Variants in MVK observed in about 807,000 individuals in gnomAD.
The protein encoded by MVK is LH receptor mRNA-binding protein.
Under a neutral mutation model 43.2 loss-of-function variants are expected in MVK, and 34 were observed. The ratio of observed to expected loss-of-function variants is 0.79; its 90% CI spans 0.60 to 1.05. The LOEUF is 1.05. MVK is among the 50% of genes least tolerant of loss of function. The pLI, the probability that MVK is intolerant of heterozygous loss-of-function variation, is 0.00. For synonymous variants in MVK, 190 were observed against 219.8 expected, an observed-to-expected ratio of 0.86 and a Z score of 1.20; for missense variants, 395 against 504.0, an observed-to-expected ratio of 0.78 and a Z score of 2.07.
intron 7 of MVK, 126 bp downstream of exon 7, chr12:109,586,925 C>A: frequency 8.8e-7 from 1 of 1,132,078 alleles, no homozygotes; most frequent in Non-Finnish European, 1.3e-6. Context: ...CCCAATGTGG[C>A]CCTCACAGTG....
chr12:109,573,312 A>C (rs772383588), upstream of MVK: 1 of 1,611,910 alleles, frequency 6.2e-7, no homozygotes, highest in South Asian at 1.1e-5. Context: ...GATTCACGGC[A>C]GGTGTTCGAG....
At chr12:109,586,617 A>C (rs1885443326) in intron 6 of MVK, 137 bp from the exon 7 acceptor site, 1 of 934,156 alleles carries the variant, frequency 1.1e-6, no homozygotes, top group African/African-American at 1.6e-5. Flanking sequence ...TTTGTAACTG[A>C]AGCTGGGCTG....
chr12:109,594,916 G>T, intron 9 of MVK, 112 bp from the exon 10 acceptor site: 1 of 1,371,164 alleles, frequency 7.3e-7, no homozygotes. Flanking sequence ...AGGCAAAGCC[G>T]TTGGCTGTCT....
In MVK at chr12:109,595,108, CA is replaced by C; in HGVS notation, c.967del (p.Arg323GlyfsTer9). 1 of 1,614,178 alleles carries C rather than the reference CA, an allele frequency of 6.2e-7. No homozygotes were observed. ...CTCTGGACCAGCTCTGCCAGGTGAC[CA>C]GGGCCCGCGGACTTCACAGCAAGCT... The part of the protein sequence containing the change: ...ASLDQLCQVT[R>X]ARGLHSKLTG... On this transcript the variant is annotated frameshift_variant, in exon 10 of 11. Coordinates refer to ENST00000228510, the MANE Select transcript of MVK (RefSeq NM_000431.4). LOFTEE classifies it high-confidence loss of function. The surrounding 1 kb of genome is among the most constrained non-coding windows in gnomAD (Gnocchi z 5.9).
At position 109,576,026 on chromosome 12, in the gene MVK, G is replaced by A; in HGVS notation, c.107G>A (p.Arg36Lys). ...KVALAVSLNL[R>K]TFLRLQPHSN... Reference sequence around the variant, plus strand: ...GCACTGGCTGTATCCTTGAACTTGAGAACATTCCTCCGGCTTCAACCCCAC... The same window carrying A: ...GCACTGGCTGTATCCTTGAACTTGAAAACATTCCTCCGGCTTCAACCCCAC... Residue 36 changes from arginine (R) to lysine (K), a missense_variant, in exon 3 of 11, where the codon AGA becomes AAA. By Grantham distance (26) the Arg-to-Lys change is conservative. Coordinates refer to ENST00000228510, the MANE Select transcript of MVK (RefSeq NM_000431.4). 1 of 1,614,208 alleles carries A rather than the reference G, an allele frequency of 6.2e-7. No individual in the cohort carries two copies. Among genetic ancestry groups the A allele is most frequent in the Non-Finnish European group, 8.5e-7 (1 of 1,180,040 alleles).
chr12:109,581,359 CG>C (rs748612128), intron 4 of MVK, 35 bp from the exon 5 acceptor site: 28 of 1,612,090 alleles, frequency 1.7e-5, no homozygotes, highest in Non-Finnish European at 2.3e-5. Context: ...CACTGCCCTG[CG>C]GGAGAGTCAC....
chr12:109,584,475 C>G (rs570286235), intron 5 of MVK, among the ~76,000 whole-genome samples: 1 of 152,258 alleles, frequency 6.6e-6, no homozygotes, highest in African/African-American at 2.4e-5. Flanking sequence ...TTTTCCATCT[C>G]AATATCCTCA....
At chr12:109,577,712 A>G (rs1271787357) in intron 3 of MVK, among the ~76,000 whole-genome samples, 1 of 152,138 alleles carries the variant, frequency 6.6e-6, no homozygotes, top group Non-Finnish European at 1.5e-5. Flanking sequence ...TTTTTAACCA[A>G]TACAGATGGA....
intron 3 of MVK, among the ~76,000 whole-genome samples, chr12:109,577,272 C>T (rs1885000934): frequency 6.6e-6 from 1 of 152,202 alleles, no homozygotes; most frequent in Admixed American, 6.5e-5. Flanking sequence ...TGTGTTTTCT[C>T]TGTTGTCAGT....
intron 9 of MVK, among the ~76,000 whole-genome samples, chr12:109,593,876 C>A (rs1306638102): frequency 2.0e-5 from 3 of 151,792 alleles, no homozygotes; most frequent in Admixed American, 6.6e-5. Context: ...CGCCAACATA[C>A]GTGGCTGATT....
At chr12:109,573,576 C>T (rs1446495859), upstream of MVK, 1 of 1,429,992 alleles carries the variant, frequency 7.0e-7, no homozygotes, top group South Asian at 1.2e-5. Flanking sequence ...GCTCAGGTTT[C>T]AATTTTTATT....
In MVK at chr12:109,596,860, A is replaced by G. The variant is rs1226943607; in HGVS notation, c.*283A>G. 1.9e-6 allele frequency: 1 copy of G among 526,508 alleles called. No homozygotes were observed. Among genetic ancestry groups the G allele is most frequent in the Non-Finnish European group, 3.4e-6 (1 of 290,656 alleles). The allele number at this position is 526,508 out of a possible 1,614,324, so 32.6% of individuals were successfully genotyped here. A position where few individuals can be genotyped will look rare whatever the true frequency, so the allele number is the denominator to read the frequency against. On this transcript the variant is annotated 3_prime_UTR_variant, in exon 11 of 11. Transcript: ENST00000228510. ...GAAGGGCTGCTTCCCTGAAGCTCCC[A>G]CAGTCCCATCTGCTTCAGGCCCCCG... is the stretch of plus-strand genomic sequence containing the variant.
intron 10 of MVK, among the ~76,000 whole-genome samples, 179 bp from the exon 11 acceptor site, chr12:109,596,247 G>C (rs1203791540): frequency 1.3e-5 from 2 of 152,372 alleles, no homozygotes; most frequent in Non-Finnish European, 1.5e-5. Flanking sequence ...GGGGTGCAAG[G>C]CTGGGCATTC....
chr12:109,582,312 G>T (rs1244762002), intron 5 of MVK, among the ~76,000 whole-genome samples: 1 of 47,934 alleles, frequency 2.1e-5, no homozygotes, highest in Non-Finnish European at 4.4e-5. Context: ...TCTGAGCTTG[G>T]TTTTTTTGTT....
intron 5 of MVK, among the ~76,000 whole-genome samples, chr12:109,585,606 A>G (rs1350063075): frequency 1.3e-5 from 2 of 152,006 alleles, no homozygotes; most frequent in Admixed American, 1.3e-4. Context: ...CGTCTCTACT[A>G]AAAAATACAA....
chr12:109,590,665 C>T (rs1383093153), intron 7 of MVK, 106 bp from the exon 8 acceptor site: 15 of 996,012 alleles, frequency 1.5e-5, no homozygotes, highest in Non-Finnish European at 2.1e-5. Context: ...TTGTGCCTCC[C>T]TTCTTCCTCC....
At chr12:109,583,089 G>GTTTTTTT in intron 5 of MVK, among the ~76,000 whole-genome samples, 1 of 148,806 alleles carries the variant, frequency 6.7e-6, no homozygotes, top group Non-Finnish European at 1.5e-5. Flanking sequence ...TCCTTGGTCT[G>GTTTTTTT]TTTTTTTTTT....
At chr12:109,580,080 C>A in intron 4 of MVK, 134 bp downstream of exon 4, 1 of 1,338,850 alleles carries the variant, frequency 7.5e-7, no homozygotes, top group Non-Finnish European at 1.0e-6. Flanking sequence ...TCATCATGTG[C>A]CAGGCACCCT....
chr12:109,590,402 G>A, intron 7 of MVK: 1 of 352,182 alleles, frequency 2.8e-6, no homozygotes, highest in South Asian at 2.3e-5. Flanking sequence ...TTGCTTGGTG[G>A]CTTCTTACCC....
Sources: allele counts gnomAD v4.1 joint callset (sites outside exome capture counted in the v4.1 genomes callset), GRCh38; gene constraint gnomAD v4.1.1; non-coding constraint Gnocchi (gnomAD v3.1); transcripts MANE v1.5; gene names NCBI Gene and HGNC (gene_info 2026-07-23, HGNC 2026-07-21).